EIF4G3: variants seen among roughly 807,000 people sequenced by gnomAD.
EIF4G3 encodes eukaryotic translation initiation factor 4 gamma 3.
EIF4G3 carries 34 observed loss-of-function variants against 186.4 expected under a neutral mutation model. The observed-to-expected ratio is 0.18, with a 90% confidence interval of 0.14 to 0.24. EIF4G3 has a LOEUF of 0.24. Among genes scored for constraint, EIF4G3 ranks in the 10% least tolerant of loss-of-function variants. The probability of loss-of-function intolerance (pLI) is 1.00; values close to 1 mark genes in which losing one functional copy is unlikely to be tolerated. For missense variants in EIF4G3, 1,536 were observed against 1,948.5 expected (o/e 0.79, Z 3.99); for synonymous variants, 673 against 679.5 (o/e 0.99, Z 0.15).
intron 2 of EIF4G3, among the ~76,000 whole-genome samples, chr1:21,136,522 A>G (rs910015726): frequency 7.9e-5 from 12 of 152,266 alleles, no homozygotes; most frequent in African/African-American, 2.6e-4. Context: ...GTATCAAAAA[A>G]AAAACAAAAA....
In EIF4G3 at chr1:20,829,291, T is replaced by TA. The variant is rs775242242; in HGVS notation, c.4062-20dup. On this transcript the variant is annotated intron_variant, in intron 30 of 36. Transcript: ENST00000602326. ...TGAAAAACTGAAAAGGAACAGGGGGTAAAAATCACATGCAAATGTAATTCA... is the reference window on the plus strand; with the variant it reads ...TGAAAAACTGAAAAGGAACAGGGGGTAAAAAATCACATGCAAATGTAATTCA... The TA allele has an allele frequency of 6.2e-5, 99 of 1,607,046 alleles. No homozygotes were observed. Among genetic ancestry groups the TA allele is most frequent in the Admixed American group, 1.2e-4 (7 of 58,008 alleles).
intron 14 of EIF4G3, among the ~76,000 whole-genome samples, chr1:20,923,411 T>C (rs1388158578): frequency 6.6e-6 from 1 of 152,158 alleles, no homozygotes; most frequent in Non-Finnish European, 1.5e-5. Flanking sequence ...TTAGGCACTT[T>C]TGCATTTTAA....
At chr1:21,140,419 G>A (rs1303553620) in intron 2 of EIF4G3, among the ~76,000 whole-genome samples, 1 of 152,044 alleles carries the variant, frequency 6.6e-6, no homozygotes, top group Admixed American at 6.6e-5. Context: ...GTTCAAGTGG[G>A]CCTCCCGCCT....
At chr1:20,895,708 T>A (rs185497343) in intron 16 of EIF4G3, among the ~76,000 whole-genome samples, 1 of 152,346 alleles carries the variant, frequency 6.6e-6, no homozygotes, top group African/African-American at 2.4e-5. Flanking sequence ...ATTATTCACA[T>A]GTATGTGTTA....
At chr1:20,942,473 A>G (rs542140538) in intron 13 of EIF4G3, 143 bp from the exon 14 acceptor site, 6 of 701,834 alleles carry the variant, frequency 8.5e-6, no homozygotes, top group Non-Finnish European at 1.3e-5. Flanking sequence ...GGTATGCCAA[A>G]AACATTGTCT....
chr1:20,866,718 T>C (rs1169141246), intron 20 of EIF4G3, among the ~76,000 whole-genome samples: 1 of 152,180 alleles, frequency 6.6e-6, no homozygotes, highest in Non-Finnish European at 1.5e-5. Flanking sequence ...CCAAGAAGTA[T>C]ATTCAAAAGC....
At chr1:21,127,503 T>C (rs1311225308) in intron 2 of EIF4G3, among the ~76,000 whole-genome samples, 2 of 152,242 alleles carry the variant, frequency 1.3e-5, no homozygotes, top group Admixed American at 6.5e-5. Flanking sequence ...TTCATTGCTA[T>C]ATCCTCAGCT....
intron 2 of EIF4G3, among the ~76,000 whole-genome samples, chr1:21,109,387 G>A (rs898778415): frequency 6.6e-6 from 1 of 152,172 alleles, no homozygotes; most frequent in African/African-American, 2.4e-5. Context: ...GCTCATGCCT[G>A]TAATCCTAAC....
At chr1:21,069,169 C>T (rs1455660780) in intron 3 of EIF4G3, among the ~76,000 whole-genome samples, 1 of 152,124 alleles carries the variant, frequency 6.6e-6, no homozygotes, top group African/African-American at 2.4e-5. Flanking sequence ...ACACTCATTC[C>T]AATATCTTGT....
At chr1:21,155,698 AAAAT>A (rs1278880515) in intron 2 of EIF4G3, among the ~76,000 whole-genome samples, 3 of 152,218 alleles carry the variant, frequency 2.0e-5, no homozygotes, top group African/African-American at 4.8e-5. Flanking sequence ...CTCCATCTAA[AAAAT>A]AAATAAATAA....
intron 2 of EIF4G3, among the ~76,000 whole-genome samples, chr1:21,147,533 A>T (rs1386407483): frequency 5.3e-5 from 8 of 151,766 alleles, no homozygotes; most frequent in Admixed American, 5.3e-4. Context: ...GGGTCTCCCT[A>T]TGTTGGCCAG....
At chr1:20,867,788 G>A (rs1383348435) in intron 20 of EIF4G3, among the ~76,000 whole-genome samples, 1 of 152,182 alleles carries the variant, frequency 6.6e-6, no homozygotes, top group Admixed American at 6.6e-5. Context: ...ACAAAAGTCT[G>A]CTATCCCAAA....
chr1:20,982,363 C>G, intron 8 of EIF4G3, 25 bp downstream of exon 8: 1 of 1,505,684 alleles, frequency 6.6e-7, no homozygotes, highest in Non-Finnish European at 8.9e-7. Context: ...TATAAAGAGG[C>G]CATGCAGAAC....
At chr1:21,007,354 C>T (rs1319836808) in intron 4 of EIF4G3, among the ~76,000 whole-genome samples, 1 of 151,618 alleles carries the variant, frequency 6.6e-6, no homozygotes, top group South Asian at 2.1e-4. Flanking sequence ...AACAAGATCG[C>T]ACCACTGCAA....
At chr1:21,120,990 A>C (rs988800123) in intron 2 of EIF4G3, among the ~76,000 whole-genome samples, 6 of 151,998 alleles carry the variant, frequency 3.9e-5, no homozygotes, top group African/African-American at 1.5e-4. Flanking sequence ...CATGATCCTG[A>C]CTCTCTACAG....
chr1:21,024,137 C>G (rs1233409780), intron 4 of EIF4G3, among the ~76,000 whole-genome samples: 1 of 150,952 alleles, frequency 6.6e-6, no homozygotes, highest in Non-Finnish European at 1.5e-5. Context: ...AGCGTCTCCG[C>G]CCGGCAGTCA....
chr1:21,022,086 G>A (rs1209556816), intron 4 of EIF4G3, among the ~76,000 whole-genome samples: 2 of 152,128 alleles, frequency 1.3e-5, no homozygotes, highest in Admixed American at 6.5e-5. Flanking sequence ...ACTAAGCACC[G>A]AAAATGCATA....
chr1:20,822,998 C>T (rs1242981132), intron 33 of EIF4G3, among the ~76,000 whole-genome samples: 1 of 151,994 alleles, frequency 6.6e-6, no homozygotes, highest in Non-Finnish European at 1.5e-5. Flanking sequence ...CATCTTCTGG[C>T]TTTCATGGTT....
At chr1:20,906,360 AT>A (rs569481390) in intron 14 of EIF4G3, among the ~76,000 whole-genome samples, 8 of 152,214 alleles carry the variant, frequency 5.3e-5, no homozygotes, top group African/African-American at 1.9e-4. Context: ...AATTCTTGTG[AT>A]TTTCAACTCT....
Sources: gnomAD v4.1 joint callset for allele counts (sites outside exome capture counted in the v4.1 genomes callset) on GRCh38, gnomAD v4.1.1 for gene constraint, MANE v1.5 for transcripts, NCBI Gene and HGNC (gene_info 2026-07-23, HGNC 2026-07-21) for gene names.